The following RAB6B variants were observed in gnomAD, a reference collection of about 807,000 sequenced individuals.
RAB6B encodes ras-related protein Rab-6B.
Under a neutral mutation model 31.2 loss-of-function variants are expected in RAB6B, and 7 were observed. That is an observed-to-expected ratio of 0.22 (90% CI 0.13 to 0.42). RAB6B has a LOEUF of 0.42. Ranked by LOEUF, RAB6B falls within the 10% of genes least tolerant of loss-of-function variation. The probability of loss-of-function intolerance (pLI) is 1.00; values close to 1 mark genes in which losing one functional copy is unlikely to be tolerated. For synonymous variants in RAB6B, 105 were observed against 104.9 expected (o/e 1.00, Z -0.01); for missense variants, 149 against 280.6 (o/e 0.53, Z 3.35).
intron 1 of RAB6B, among the ~76,000 whole-genome samples, chr3:133,875,159 C>T (rs1936374268): frequency 6.6e-6 from 1 of 152,220 alleles, no homozygotes; most frequent in Non-Finnish European, 1.5e-5. Flanking sequence ...AACCTTCATA[C>T]ATGCGGTCTG....
At chr3:133,894,438 A>T (rs1309008303) in intron 1 of RAB6B, 2 of 152,126 alleles carry the variant, frequency 1.3e-5, no homozygotes, top group East Asian at 3.9e-4. Flanking sequence ...GGCAGCGGAG[A>T]AGCAGTCTCC....
chr3:133,852,759 G>A (rs557551444), intron 2 of RAB6B, among the ~76,000 whole-genome samples: 1 of 152,162 alleles, frequency 6.6e-6, no homozygotes, highest in Non-Finnish European at 1.5e-5. Flanking sequence ...GATTACAGGC[G>A]TGAGTCACCA....
chr3:133,863,497 T>C (rs1936192466), intron 2 of RAB6B, among the ~76,000 whole-genome samples: 1 of 152,218 alleles, frequency 6.6e-6, no homozygotes. Flanking sequence ...ATTTGTCCTT[T>C]GAGAACTCGA....
At chr3:133,895,224 C>T (rs570846069) in intron 1 of RAB6B, among the ~76,000 whole-genome samples, 173 bp downstream of exon 1, 1 of 152,138 alleles carries the variant, frequency 6.6e-6, no homozygotes, top group Non-Finnish European at 1.5e-5. Flanking sequence ...TCCGTCCTCA[C>T]CCTTGGCCCC....
chr3:133,848,625 A>T (rs1003356651), intron 2 of RAB6B, among the ~76,000 whole-genome samples: 2 of 152,146 alleles, frequency 1.3e-5, no homozygotes, highest in African/African-American at 4.8e-5. Flanking sequence ...GGTGGAAGGG[A>T]AAGTGAACAC....
chr3:133,865,026 A>C (rs941915659), intron 1 of RAB6B, among the ~76,000 whole-genome samples: 1 of 152,238 alleles, frequency 6.6e-6, no homozygotes, highest in Non-Finnish European at 1.5e-5. Flanking sequence ...GCCCATGTAC[A>C]CCTTGTTGTT....
intron 1 of RAB6B, among the ~76,000 whole-genome samples, chr3:133,874,223 C>T (rs1939216099): frequency 6.6e-6 from 1 of 152,186 alleles, no homozygotes; most frequent in East Asian, 1.9e-4. Context: ...TATAGTCATG[C>T]TTTGCTTAAT....
At chr3:133,892,537 T>C (rs1435572178) in intron 1 of RAB6B, among the ~76,000 whole-genome samples, 1 of 152,178 alleles carries the variant, frequency 6.6e-6, no homozygotes, top group African/African-American at 2.4e-5. Flanking sequence ...CACGCCACTC[T>C]TCTTGGGAAT....
chr3:133,852,202 G>A (rs1288837077), intron 2 of RAB6B, among the ~76,000 whole-genome samples: 1 of 152,174 alleles, frequency 6.6e-6, no homozygotes, highest in East Asian at 1.9e-4. Context: ...GTTCTGCTGG[G>A]TACTCTAGTC....
At chr3:133,840,585 G>A (rs1935811416) in intron 4 of RAB6B, among the ~76,000 whole-genome samples, 1 of 152,204 alleles carries the variant, frequency 6.6e-6, no homozygotes, top group African/African-American at 2.4e-5. Context: ...TTCCTTGTGT[G>A]ATTTTTAAGG....
At chr3:133,854,820 C>T (rs879423737) in intron 2 of RAB6B, among the ~76,000 whole-genome samples, 1 of 152,204 alleles carries the variant, frequency 6.6e-6, no homozygotes. Context: ...AGGAAAGAGA[C>T]GTTTCCTGAG....
chr3:133,873,250 C>A (rs1936350312), intron 1 of RAB6B, among the ~76,000 whole-genome samples: 1 of 152,194 alleles, frequency 6.6e-6, no homozygotes, highest in African/African-American at 2.4e-5. Flanking sequence ...GGAGTGTTCC[C>A]AGGATGGCTG....
At chr3:133,885,695 A>G (rs1250092166) in intron 1 of RAB6B, 7 of 694,690 alleles carry the variant, frequency 1.0e-5, no homozygotes, top group Non-Finnish European at 5.2e-6. Context: ...AGGGGAGCTT[A>G]AAGGGGCTAG....
At chr3:133,833,341 A>G (rs1014693824) in intron 7 of RAB6B, among the ~76,000 whole-genome samples, 4 of 152,104 alleles carry the variant, frequency 2.6e-5, no homozygotes, top group Non-Finnish European at 5.9e-5. Flanking sequence ...GATACTCCTC[A>G]AACCCCCTCC....
intron 2 of RAB6B, among the ~76,000 whole-genome samples, chr3:133,852,817 C>A (rs540646733): frequency 2.0e-5 from 3 of 152,272 alleles, no homozygotes; most frequent in Admixed American, 6.5e-5. Flanking sequence ...CCCTGCCTTA[C>A]TGCGTGACCT....
At chr3:133,884,589 C>T (rs961988930) in intron 1 of RAB6B, among the ~76,000 whole-genome samples, 4 of 152,184 alleles carry the variant, frequency 2.6e-5, no homozygotes, top group African/African-American at 9.7e-5. Context: ...AGGAAGTGAT[C>T]AAGTGTCCAC....
intron 1 of RAB6B, among the ~76,000 whole-genome samples, chr3:133,893,732 T>C (rs772172685): frequency 3.9e-5 from 6 of 152,092 alleles, no homozygotes. Context: ...CAAATTTTAC[T>C]AAAGACAACA....
At position 133,826,697 on chromosome 3, in the gene RAB6B, G is replaced by A. The variant is rs1420903980; in HGVS notation, c.*2091C>T. The A allele has an allele frequency of 6.6e-6, 1 of 152,614 alleles. No homozygotes were observed. Among genetic ancestry groups the A allele is most frequent in the Non-Finnish European group, 1.5e-5 (1 of 68,050 alleles). The allele number at this position is 152,614 out of a possible 1,614,324, so 9.5% of individuals were successfully genotyped here. On this transcript the variant is annotated 3_prime_UTR_variant, in exon 8 of 8. Coordinates refer to ENST00000285208, the MANE Select transcript of RAB6B (RefSeq NM_016577.4). ...AGAAATGGTGGAGATATTCCCGTGG[G>A]CTATGTTTGCCTGTAGTTTAACACA...
At chr3:133,845,186 C>T (rs577526701) in intron 2 of RAB6B, among the ~76,000 whole-genome samples, 5 of 152,306 alleles carry the variant, frequency 3.3e-5, no homozygotes, top group African/African-American at 1.2e-4. Flanking sequence ...ATAAATCTAT[C>T]GCTGTGGTCT....
Sources: allele counts gnomAD v4.1 joint callset (sites outside exome capture counted in the v4.1 genomes callset), GRCh38; gene constraint gnomAD v4.1.1; transcripts MANE v1.5; gene names NCBI Gene and HGNC (gene_info 2026-07-23, HGNC 2026-07-21).